The following LONP2 variants were observed in gnomAD, a reference collection of about 807,000 sequenced individuals.
The protein encoded by LONP2 is lon protease homolog 2, peroxisomal.
A neutral mutation model predicts 85.6 loss-of-function variants in LONP2; 60 were observed. The observed-to-expected ratio is 0.70, with a 90% CI of 0.57 to 0.87. LONP2 has a LOEUF of 0.87. LONP2 is among the 40% of genes least tolerant of loss of function. The probability of loss-of-function intolerance (pLI) is 0.00; values close to 1 mark genes in which losing one functional copy is unlikely to be tolerated. For synonymous variants in LONP2, 395 were observed against 389.7 expected, an observed-to-expected ratio of 1.01 and a Z score of -0.16; for missense variants, 860 against 1,063.5, an observed-to-expected ratio of 0.81 and a Z score of 2.66.
rs1960312457 is a variant in LONP2 at position 48,355,567 on chromosome 16, T to C, written c.*3765T>C. ...ACTAAGACAACAGGATAATTCTGTT[T>C]AACTTTTTGAGAACTGCCAAACTTT... On this transcript the variant is annotated 3_prime_UTR_variant, in exon 15 of 15. Transcript: ENST00000285737. 6.6e-6 allele frequency: 1 copy of C among 152,206 alleles called. No individual in the cohort carries two copies. Among genetic ancestry groups the C allele is most frequent in the African/African-American group, 2.4e-5 (1 of 41,454 alleles). The allele number at this position is 152,206 out of a possible 1,614,324, so 9.4% of individuals were successfully genotyped here. A position where few individuals can be genotyped will look rare whatever the true frequency, so the allele number is the denominator to read the frequency against.
chr16:48,310,295 A>G (rs1286196274), intron 11 of LONP2, among the ~76,000 whole-genome samples: 1 of 151,446 alleles, frequency 6.6e-6, no homozygotes, highest in Non-Finnish European at 1.5e-5. Flanking sequence ...ATACTGATGC[A>G]TGAGGTTTTG....
intron 14 of LONP2, 86 bp from the exon 15 acceptor site, chr16:48,351,495 T>A (rs1960145203): frequency 9.7e-7 from 1 of 1,032,328 alleles, no homozygotes; most frequent in Non-Finnish European, 1.4e-6. Flanking sequence ...TAGTAGTGGT[T>A]AAATTCAGTG....
intron 12 of LONP2, chr16:48,344,474 A>G (rs973198058): frequency 6.6e-6 from 1 of 152,068 alleles, no homozygotes; most frequent in African/African-American, 2.4e-5. Flanking sequence ...GTGAGCCTAG[A>G]TGCTCTAGGT....
chr16:48,271,603 C>T (rs1972107482), intron 7 of LONP2, among the ~76,000 whole-genome samples: 1 of 152,110 alleles, frequency 6.6e-6, no homozygotes, highest in African/African-American at 2.4e-5. Context: ...TCATTACTGG[C>T]CTTGTGTAGT....
At chr16:48,263,623 A>G (rs1195842369) in intron 6 of LONP2, among the ~76,000 whole-genome samples, 4 of 152,150 alleles carry the variant, frequency 2.6e-5, no homozygotes, top group Non-Finnish European at 5.9e-5. Context: ...CATTTCAGTT[A>G]TTTCCGTATC....
chr16:48,282,476 A>G (rs2150985650), intron 8 of LONP2, among the ~76,000 whole-genome samples: 1 of 151,830 alleles, frequency 6.6e-6, no homozygotes, highest in South Asian at 2.1e-4. Flanking sequence ...GTCTGTTGAC[A>G]CCATTTTTCC....
In LONP2 at chr16:48,353,047, C is replaced by A. The variant is rs1295997721; in HGVS notation, c.*1245C>A. 6.6e-6 allele frequency: 1 copy of A among 152,120 alleles called. No homozygotes were observed. The allele number at this position is 152,120 out of a possible 1,614,324, so 9.4% of individuals were successfully genotyped here. On this transcript the variant is annotated 3_prime_UTR_variant, in exon 15 of 15. Coordinates refer to ENST00000285737, the MANE Select transcript of LONP2 (RefSeq NM_031490.5). ...CTTGGTTTTCTTCATCCATGAAATC[C>A]AAGTAATACTACCTAATTGTTACTG...
intron 1 of LONP2, 107 bp from the exon 2 acceptor site, chr16:48,252,024 A>G (rs1971663318): frequency 3.7e-6 from 3 of 800,560 alleles, no homozygotes; most frequent in Non-Finnish European, 5.5e-6. Flanking sequence ...TACACTTCAG[A>G]TGTCTTTTGC....
At chr16:48,247,695 G>A (rs902821659) in intron 1 of LONP2, 8 of 152,174 alleles carry the variant, frequency 5.3e-5, no homozygotes, top group African/African-American at 1.9e-4. Flanking sequence ...TGTTTTCTTA[G>A]TGAAAAGGGG....
chr16:48,306,362 T>C (rs149818642), intron 11 of LONP2, among the ~76,000 whole-genome samples: 1 of 152,342 alleles, frequency 6.6e-6, no homozygotes, highest in African/African-American at 2.4e-5. Flanking sequence ...ATACTAGTTA[T>C]TTTAAAATAA....
chr16:48,314,071 T>A (rs1973091007), intron 11 of LONP2, among the ~76,000 whole-genome samples: 1 of 152,240 alleles, frequency 6.6e-6, no homozygotes, highest in African/African-American at 2.4e-5. Flanking sequence ...TGTTGAGCTC[T>A]TTGTCCTATG....
chr16:48,324,480 C>G (rs773034311), intron 11 of LONP2, among the ~76,000 whole-genome samples: 1 of 152,220 alleles, frequency 6.6e-6, no homozygotes, highest in Non-Finnish European at 1.5e-5. Flanking sequence ...CCTACTCCAT[C>G]AGCTTGCAAG....
At chr16:48,251,659 T>C (rs79145737) in intron 1 of LONP2, among the ~76,000 whole-genome samples, 2 of 152,210 alleles carry the variant, frequency 1.3e-5, no homozygotes, top group Non-Finnish European at 2.9e-5. Flanking sequence ...GGAAGTTTCA[T>C]AGACTGATTA....
intron 11 of LONP2, among the ~76,000 whole-genome samples, chr16:48,312,723 TTGTATCAATAGATGTTGTAATGGG>T (rs1343807684): frequency 2.0e-5 from 3 of 152,164 alleles, no homozygotes; most frequent in Non-Finnish European, 2.9e-5. Flanking sequence ...CACTATGCAG[TTGTATCAATAGATGTTGTAATGGG>T]TGGTGCAGGT....
At chr16:48,245,326 T>G (rs1442138393) in intron 1 of LONP2, among the ~76,000 whole-genome samples, 4 of 152,170 alleles carry the variant, frequency 2.6e-5, no homozygotes, top group African/African-American at 7.2e-5. Flanking sequence ...TATTGCCCAG[T>G]ACCCTCGCCC....
At chr16:48,357,960 A>G (rs1960438042), downstream of LONP2, among the ~76,000 whole-genome samples, 1 of 152,240 alleles carries the variant, frequency 6.6e-6, no homozygotes, top group African/African-American at 2.4e-5. Flanking sequence ...GAACAAAGTT[A>G]ATAAGTATCT....
intron 1 of LONP2, among the ~76,000 whole-genome samples, chr16:48,249,138 C>T (rs898522886): frequency 1.1e-4 from 17 of 152,032 alleles, no homozygotes; most frequent in South Asian, 2.1e-4. Context: ...AGGGTAGATT[C>T]GAGTTAGGAT....
intron 2 of LONP2, among the ~76,000 whole-genome samples, chr16:48,252,607 C>T (rs1971678301): frequency 6.6e-6 from 1 of 152,186 alleles, no homozygotes; most frequent in Admixed American, 6.5e-5. Context: ...CTTCTAACTT[C>T]TACTGTCTCT....
At chr16:48,294,012 C>T (rs1241752045) in intron 8 of LONP2, among the ~76,000 whole-genome samples, 3 of 152,238 alleles carry the variant, frequency 2.0e-5, no homozygotes, top group African/African-American at 7.2e-5. Context: ...TCTCAGCCCA[C>T]GGCAACTTCT....
Sources: gnomAD v4.1 joint callset for allele counts (sites outside exome capture counted in the v4.1 genomes callset) on GRCh38, gnomAD v4.1.1 for gene constraint, MANE v1.5 for transcripts, NCBI Gene and HGNC (gene_info 2026-07-23, HGNC 2026-07-21) for gene names.